Variants in LIMS1 observed in about 807,000 individuals in gnomAD.
LIMS1 encodes LIM and senescent cell antigen-like-containing domain protein 1.
Under a neutral mutation model 44.1 loss-of-function variants are expected in LIMS1, and 18 were observed. The ratio of observed to expected loss-of-function variants is 0.41; its 90% CI spans 0.28 to 0.61. The LOEUF is 0.61. Among genes scored for constraint, LIMS1 ranks in the 20% least tolerant of loss-of-function variants. LIMS1 has a pLI of 0.32. For missense variants in LIMS1, 201 were observed against 422.0 expected (o/e 0.48, Z 4.59); for synonymous variants, 93 against 149.1 (o/e 0.62, Z 2.74).
intron 1 of LIMS1, among the ~76,000 whole-genome samples, chr2:108,649,559 C>G (rs1472947281): frequency 6.6e-6 from 1 of 152,164 alleles, no homozygotes; most frequent in Non-Finnish European, 1.5e-5. Context: ...ATAGCAAAGA[C>G]TTGGAACCAC....
intron 1 of LIMS1, among the ~76,000 whole-genome samples, chr2:108,553,066 G>T (rs565408758): frequency 2.6e-5 from 4 of 152,202 alleles, no homozygotes; most frequent in African/African-American, 9.7e-5. Flanking sequence ...TGTGGACAGT[G>T]ATGGGATGTT....
chr2:108,683,927 G>C, exon 10 of LIMS1: 1 of 1,604,716 alleles, frequency 6.2e-7, no homozygotes, highest in Non-Finnish European at 8.5e-7. Context: ...TCTGTAAGAA[G>C]TGCTATGAGA....
chr2:108,656,919 A>T (rs2148959386), intron 1 of LIMS1, among the ~76,000 whole-genome samples: 1 of 66,478 alleles, frequency 1.5e-5, no homozygotes, highest in Non-Finnish European at 3.0e-5. Flanking sequence ...CATATGAGAA[A>T]TTGAAACTGG....
chr2:108,673,518 C>G (rs1343987448), intron 5 of LIMS1: 1 of 182,448 alleles, frequency 5.5e-6, no homozygotes, highest in Admixed American at 5.4e-5. Context: ...TCCAGAGTAG[C>G]TGAGACCACA....
At chr2:108,536,072 T>G (rs192749757) in intron 1 of LIMS1, among the ~76,000 whole-genome samples, 103 of 152,354 alleles carry the variant, frequency 6.8e-4, no homozygotes, top group African/African-American at 2.4e-3. Context: ...TTGTGAGATA[T>G]TAAGAATAAC....
intron 1 of LIMS1, among the ~76,000 whole-genome samples, chr2:108,561,739 TTTTTTTG>T (rs1169787446): frequency 8.3e-6 from 1 of 120,114 alleles, no homozygotes; most frequent in Non-Finnish European, 1.8e-5. Flanking sequence ...CAGCAGTGTT[TTTTTTTG>T]TTTTTTTTTT....
chr2:108,582,652 C>T (rs1573369862), intron 1 of LIMS1, among the ~76,000 whole-genome samples: 1 of 152,122 alleles, frequency 6.6e-6, no homozygotes, highest in Non-Finnish European at 1.5e-5. Context: ...CCTGCAGTCC[C>T]AGCTACTTGG....
At chr2:108,627,011 G>A (rs902704201) in intron 1 of LIMS1, among the ~76,000 whole-genome samples, 2 of 152,142 alleles carry the variant, frequency 1.3e-5, no homozygotes, top group Non-Finnish European at 2.9e-5. Context: ...CTTTTAAACC[G>A]TATTTTTACT....
intron 1 of LIMS1, among the ~76,000 whole-genome samples, chr2:108,537,335 G>A (rs939060021): frequency 2.0e-5 from 3 of 152,190 alleles, no homozygotes; most frequent in African/African-American, 7.2e-5. Context: ...GCAGGTATTG[G>A]GGATATTTAA....
chr2:108,542,397 G>A (rs1299890161), intron 1 of LIMS1, among the ~76,000 whole-genome samples: 2 of 152,210 alleles, frequency 1.3e-5, no homozygotes, highest in East Asian at 1.9e-4. Flanking sequence ...GCCACACCAC[G>A]AAGTAGGATC....
At chr2:108,604,614 G>C (rs534260326) in intron 1 of LIMS1, among the ~76,000 whole-genome samples, 1 of 152,174 alleles carries the variant, frequency 6.6e-6, no homozygotes, top group Non-Finnish European at 1.5e-5. Context: ...AACAAGTCTT[G>C]CTCCTCATCC....
chr2:108,536,394 C>T lies in LIMS1; in HGVS notation c.32+1800C>T, dbSNP rs78319116. Among the ~76,000 whole-genome samples, 505 of 152,318 alleles carry T rather than the reference C, an allele frequency of 3.3e-3. 2 individuals carry two copies. Among genetic ancestry groups the T allele is most frequent in the African/African-American group, 0.012 (480 of 41,568 alleles). On this transcript the variant is annotated intron_variant, in intron 1 of 9. Transcript: ENST00000544547. ...CTATGACTTTGACTACTGCTGGTAC[C>T]TCATATCTCATGTAAGTGGAATCAT...
At chr2:108,583,955 A>G (rs1216257007) in intron 1 of LIMS1, among the ~76,000 whole-genome samples, 2 of 151,986 alleles carry the variant, frequency 1.3e-5, no homozygotes, top group African/African-American at 4.8e-5. Context: ...CGGCCTCCCA[A>G]AGTGCTGAGA....
At chr2:108,628,815 G>A (rs1051870576) in intron 1 of LIMS1, among the ~76,000 whole-genome samples, 3 of 152,118 alleles carry the variant, frequency 2.0e-5, no homozygotes, top group African/African-American at 4.8e-5. Context: ...GTTTTATGAA[G>A]GTTCTTGTTT....
intron 1 of LIMS1, among the ~76,000 whole-genome samples, chr2:108,612,381 G>A (rs778068294): frequency 7.9e-5 from 12 of 151,934 alleles, no homozygotes; most frequent in Admixed American, 4.6e-4. Flanking sequence ...GAAGTTTGCT[G>A]TTTGTATTGC....
At chr2:108,573,265 T>C (rs1190259609) in intron 1 of LIMS1, among the ~76,000 whole-genome samples, 1 of 152,116 alleles carries the variant, frequency 6.6e-6, no homozygotes, top group Non-Finnish European at 1.5e-5. Flanking sequence ...CACTGAGCAA[T>C]ACTGATCAGC....
At chr2:108,618,137 A>C (rs1235363360) in intron 1 of LIMS1, among the ~76,000 whole-genome samples, 1 of 152,194 alleles carries the variant, frequency 6.6e-6, no homozygotes, top group Admixed American at 6.5e-5. Flanking sequence ...ACGGTGGGGA[A>C]TTCTGCATTG....
chr2:108,668,208 T>C (rs1339195701), intron 2 of LIMS1, among the ~76,000 whole-genome samples: 1 of 152,250 alleles, frequency 6.6e-6, no homozygotes, highest in Non-Finnish European at 1.5e-5. Context: ...GTAAGAACAT[T>C]CAAAATATCC....
intron 1 of LIMS1, among the ~76,000 whole-genome samples, chr2:108,595,171 G>A (rs1558801335): frequency 6.6e-6 from 1 of 152,182 alleles, no homozygotes; most frequent in Non-Finnish European, 1.5e-5. Flanking sequence ...GCCCTGTGGT[G>A]TTGACTGCTA....
Sources: allele counts gnomAD v4.1 joint callset (sites outside exome capture counted in the v4.1 genomes callset), GRCh38; gene constraint gnomAD v4.1.1; transcripts MANE v1.5; gene names NCBI Gene and HGNC (gene_info 2026-07-23, HGNC 2026-07-21).